COL19A1: variants seen among roughly 807,000 people sequenced by gnomAD.
The protein encoded by COL19A1 is collagen type XIX alpha 1 chain, also known as collagen alpha-1(XIX) chain.
Under a neutral mutation model 190.2 loss-of-function variants are expected in COL19A1, and 159 were observed. That is an observed-to-expected ratio of 0.84 (90% CI 0.73 to 0.95). The LOEUF (loss-of-function observed/expected upper bound fraction) is 0.95. COL19A1 is among the 40% of genes least tolerant of loss of function. The pLI, the probability that COL19A1 is intolerant of heterozygous loss-of-function variation, is 0.00. For synonymous variants in COL19A1, 509 were observed against 458.9 expected (o/e 1.11, Z -1.39); for missense variants, 1,418 against 1,431.9 (o/e 0.99, Z 0.16).
chr6:70,075,446 T>C (rs1781826922), intron 15 of COL19A1, among the ~76,000 whole-genome samples: 1 of 152,212 alleles, frequency 6.6e-6, no homozygotes, highest in Non-Finnish European at 1.5e-5. Context: ...AAGGCTAATA[T>C]ATGTTCATGT....
intron 4 of COL19A1, among the ~76,000 whole-genome samples, chr6:69,927,284 TAC>T (rs1467583614): frequency 1.3e-5 from 2 of 152,146 alleles, no homozygotes; most frequent in Non-Finnish European, 2.9e-5. Flanking sequence ...TATAAATACA[TAC>T]ATACATAAAG....
chr6:69,986,074 CTTTCTT>C (rs1050571486), intron 11 of COL19A1, among the ~76,000 whole-genome samples: 7 of 151,860 alleles, frequency 4.6e-5, no homozygotes, highest in African/African-American at 1.7e-4. Context: ...ATAAAGAACT[CTTTCTT>C]TTTCAGTAAG....
intron 12 of COL19A1, among the ~76,000 whole-genome samples, chr6:70,030,480 C>T (rs775027032): frequency 5.9e-5 from 9 of 152,076 alleles, no homozygotes; most frequent in Non-Finnish European, 1.0e-4. Flanking sequence ...CAGAGTTAAC[C>T]ATTTTTCTAA....
chr6:69,973,919 A>G (rs770971546), intron 11 of COL19A1: 5 of 152,226 alleles, frequency 3.3e-5, no homozygotes, highest in Non-Finnish European at 7.4e-5. Context: ...AGTGTGTCCT[A>G]CCAGACCGAA....
intron 11 of COL19A1, among the ~76,000 whole-genome samples, chr6:69,976,707 C>A (rs1156413794): frequency 6.6e-6 from 1 of 152,086 alleles, no homozygotes; most frequent in African/African-American, 2.4e-5. Context: ...GTTTAAGGAA[C>A]CACATGGAGT....
At position 70,176,431 on chromosome 6, in the gene COL19A1, C is replaced by A. The variant is rs1293864224; in HGVS notation, c.2623-89C>A. 1.1e-5 allele frequency: 15 copies of A among 1,390,842 alleles called. No individual in the cohort carries two copies. The Admixed American group carries it at 2.3e-4, about 22-fold the overall frequency. 86.2% of individuals were successfully genotyped at this position (1,390,842 alleles called of 1,614,324 possible). ...TTATCAGATCCAAAGGAAAGCTTTA[C>A]CAAATCCAAATTATTATTTGAGAAT... On this transcript the variant is annotated intron_variant, in intron 41 of 50. Transcript: ENST00000620364.
chr6:69,871,730 T>A (rs1172480092), intron 1 of COL19A1, among the ~76,000 whole-genome samples: 1 of 152,068 alleles, frequency 6.6e-6, no homozygotes, highest in Non-Finnish European at 1.5e-5. Flanking sequence ...AATGTTAATG[T>A]TTCACAGGCA....
At chr6:70,179,475 C>T (rs1211608787) in intron 42 of COL19A1, among the ~76,000 whole-genome samples, 1 of 152,198 alleles carries the variant, frequency 6.6e-6, no homozygotes, top group African/African-American at 2.4e-5. Flanking sequence ...CTGTCTGCTC[C>T]AGGATCGGTC....
chr6:70,167,487 T>C (rs1363661621), intron 37 of COL19A1, among the ~76,000 whole-genome samples: 3 of 152,230 alleles, frequency 2.0e-5, no homozygotes, highest in African/African-American at 7.2e-5. Context: ...TCTTTTATCC[T>C]AAAGAATTTA....
rs1410944763 is a variant in COL19A1 at position 70,068,951 on chromosome 6, T to TAGTAGAG, written c.1224+476_1224+482dup. Among the ~76,000 whole-genome samples, 3 of 152,224 alleles carry TAGTAGAG rather than the reference T, an allele frequency of 2.0e-5. No individual in the cohort carries two copies. The East Asian group carries it at 5.8e-4, about 29-fold the overall frequency. On this transcript the variant is annotated intron_variant, in intron 15 of 50. Coordinates refer to ENST00000620364, the MANE Select transcript of COL19A1 (RefSeq NM_001858.6). Reference sequence around the variant, plus strand: ...GCAAATAAATCATCGTTGGAATTGGTAGTAGAGCAATAACCTCCTATTTCT... The same window carrying TAGTAGAG: ...GCAAATAAATCATCGTTGGAATTGGTAGTAGAGAGTAGAGCAATAACCTCCTATTTCT...
intron 11 of COL19A1, among the ~76,000 whole-genome samples, chr6:69,980,583 G>A (rs535989403): frequency 1.2e-4 from 19 of 152,144 alleles, no homozygotes; most frequent in Middle Eastern, 3.4e-3. Flanking sequence ...AGTCATAATC[G>A]AAATCAAGTA....
chr6:69,987,394 A>C lies in COL19A1; in HGVS notation c.1026+24524A>C, dbSNP rs1362011250. 4.6e-5 allele frequency among the ~76,000 whole-genome samples: 7 copies of C among 152,288 alleles called. No homozygotes were observed. In the East Asian group the frequency reaches 1.2e-3, roughly 25 times the overall value. On this transcript the variant is annotated intron_variant, in intron 11 of 50. Coordinates refer to ENST00000620364, the MANE Select transcript of COL19A1 (RefSeq NM_001858.6). ...ATCCTCTTGACTCAGTGAAAATTAGACTTATTCTTGACCCAGACATACGGC... is the reference window on the plus strand; with the variant it reads ...ATCCTCTTGACTCAGTGAAAATTAGCCTTATTCTTGACCCAGACATACGGC...
At chr6:69,877,140 TTGAA>T in intron 1 of COL19A1, among the ~76,000 whole-genome samples, 1 of 152,352 alleles carries the variant, frequency 6.6e-6, no homozygotes, top group Admixed American at 6.5e-5. Context: ...TGATTAAACT[TTGAA>T]TGATGGCACC....
intron 11 of COL19A1, among the ~76,000 whole-genome samples, chr6:70,004,994 A>G (rs1037021650): frequency 2.6e-5 from 4 of 151,886 alleles, no homozygotes; most frequent in Admixed American, 6.6e-5. Flanking sequence ...CACCACACCC[A>G]GCTAATATTT....
At chr6:70,120,894 G>A (rs1309707781) in intron 16 of COL19A1, among the ~76,000 whole-genome samples, 1 of 152,192 alleles carries the variant, frequency 6.6e-6, no homozygotes, top group Non-Finnish European at 1.5e-5. Flanking sequence ...ATCAGTGAGT[G>A]CAGCTAACGA....
At chr6:70,161,849 C>A in intron 34 of COL19A1, 51 bp from the exon 35 acceptor site, 1 of 1,461,732 alleles carries the variant, frequency 6.8e-7, no homozygotes, top group South Asian at 1.3e-5. Context: ...AACTAAAATG[C>A]CTTCTTCCCA....
intron 11 of COL19A1, among the ~76,000 whole-genome samples, chr6:69,976,149 C>A (rs1180775632): frequency 6.6e-6 from 1 of 152,176 alleles, no homozygotes; most frequent in African/African-American, 2.4e-5. Flanking sequence ...CTAGGCCTTT[C>A]CTTCTCCAAG....
chr6:69,899,301 A>C (rs1303261974), intron 3 of COL19A1, among the ~76,000 whole-genome samples: 2 of 151,810 alleles, frequency 1.3e-5, no homozygotes, highest in Non-Finnish European at 2.9e-5. Context: ...AGTAGCTGGG[A>C]CTACAGGCAC....
intron 46 of COL19A1, among the ~76,000 whole-genome samples, chr6:70,187,461 CTAAAGTTTTTTTAAGTGAAAAGT>C (rs1766603723): frequency 1.8e-5 from 2 of 109,214 alleles, no homozygotes; most frequent in Admixed American, 1.9e-4. Context: ...TTTGAATGTC[CTAAAGTTTTTTTAAGTGAAAAGT>C]CTCAGTAATG....
Sources: gnomAD v4.1 joint callset for allele counts (sites outside exome capture counted in the v4.1 genomes callset) on GRCh38, gnomAD v4.1.1 for gene constraint, MANE v1.5 for transcripts, NCBI Gene and HGNC (gene_info 2026-07-23, HGNC 2026-07-21) for gene names.